RYR2: variants seen among roughly 807,000 people sequenced by gnomAD.
RYR2 encodes the protein ryanodine receptor 2.
Under a neutral mutation model 601.1 loss-of-function variants are expected in RYR2, and 227 were observed. The ratio of observed to expected loss-of-function variants is 0.38; its 90% CI spans 0.34 to 0.42. RYR2 has a LOEUF of 0.42. RYR2 is among the 10% of genes least tolerant of loss of function. The pLI is 1.00. For missense variants in RYR2, 4,646 were observed against 6,156.5 expected (o/e 0.75, Z 8.21); for synonymous variants, 2,223 against 2,175.1 (o/e 1.02, Z -0.61).
intron 80 of RYR2, among the ~76,000 whole-genome samples, chr1:237,749,788 G>A (rs1223177077): frequency 6.6e-6 from 1 of 152,064 alleles, no homozygotes; most frequent in Non-Finnish European, 1.5e-5. Context: ...ATTTGTGGAG[G>A]ATTGAAAAAG....
At chr1:237,266,477 A>G (rs1178685605) in intron 1 of RYR2, among the ~76,000 whole-genome samples, 1 of 152,166 alleles carries the variant, frequency 6.6e-6, no homozygotes, top group East Asian at 1.9e-4. Flanking sequence ...TATTTATCAA[A>G]ACCTCTCAAA....
chr1:237,632,483 C>A (rs1054303954), intron 42 of RYR2, among the ~76,000 whole-genome samples: 1 of 151,706 alleles, frequency 6.6e-6, no homozygotes, highest in Non-Finnish European at 1.5e-5. Context: ...CAACCTCCGC[C>A]TCCCAGGTTC....
chr1:237,792,398 CGTGTGTGT>C (rs71162418), intron 94 of RYR2, 75 bp downstream of exon 94: 105 of 489,842 alleles, frequency 2.1e-4, no homozygotes, highest in South Asian at 1.7e-3. Flanking sequence ...TGTGTGTGTG[CGTGTGTGT>C]GTGTGTGTGT....
At position 237,666,516 on chromosome 1, in the gene RYR2, C is replaced by T; in HGVS notation, c.8441C>T (p.Ser2814Phe). Residue 2814 changes from serine to phenylalanine, a missense_variant, in exon 57 of 105, where the codon TCT becomes TTT. Coordinates refer to ENST00000366574, the MANE Select transcript of RYR2 (RefSeq NM_001035.3). Reference sequence around the variant, plus strand: ...TTTTTCACACAAATGATCTAGGTTTCTGTGGACGCTGCCCATGGTTACAGT... The same window carrying T: ...TTTTTCACACAAATGATCTAGGTTTTTGTGGACGCTGCCCATGGTTACAGT... ...TRRISQTSQV[S>F]VDAAHGYSPR... The T allele has an allele frequency of 1.2e-6, 2 of 1,611,274 alleles. No individual in the cohort carries two copies. Among genetic ancestry groups the T allele is most frequent in the Non-Finnish European group, 1.7e-6 (2 of 1,178,734 alleles).
rs745839967 is a variant in RYR2, at chr1:237,590,810, C to T, written c.3978C>T (p.Gly1326=). Reference sequence around the variant, plus strand: ...TGGCTGGAGGGCTCCCTGGGGCTGGCCTTTTTGGGCCCAAGAATGACTTGG... The same window carrying T: ...TGGCTGGAGGGCTCCCTGGGGCTGGTCTTTTTGGGCCCAAGAATGACTTGG... ...KTVAGGLPGA[G]LFGPKNDLED... The change falls in exon 31 of 105, where the codon GGC becomes GGT. Residue 1326 remains glycine (G), a synonymous_variant. Coordinates refer to ENST00000366574, the MANE Select transcript of RYR2 (RefSeq NM_001035.3). 5 of 1,613,658 alleles carry T rather than the reference C, an allele frequency of 3.1e-6. No individual in the cohort carries two copies. Among genetic ancestry groups the T allele is most frequent in the East Asian group, 2.2e-5 (1 of 44,850 alleles).
chr1:237,394,841 T>C (rs1057255182), intron 10 of RYR2, among the ~76,000 whole-genome samples: 2 of 151,936 alleles, frequency 1.3e-5, no homozygotes, highest in Non-Finnish European at 2.9e-5. Context: ...AAGACAAGAG[T>C]CTTAACTGGC....
chr1:237,237,945 C>CCCTTT (rs60312547), intron 1 of RYR2, among the ~76,000 whole-genome samples: 1,230 of 35,522 alleles, frequency 0.035, 114 homozygotes, highest in East Asian at 0.29. Context: ...CTTTCCTTTC[C>CCCTTT]CCTTTCCTTT....
chr1:237,714,985 C>A (rs1689138606), intron 71 of RYR2, among the ~76,000 whole-genome samples: 1 of 73,410 alleles, frequency 1.4e-5, no homozygotes, highest in African/African-American at 4.4e-5. Flanking sequence ...GAGCGAGACT[C>A]CATCTCAAAA....
chr1:237,057,465 G>T (rs530304707), intron 1 of RYR2, among the ~76,000 whole-genome samples: 1 of 152,126 alleles, frequency 6.6e-6, no homozygotes, highest in African/African-American at 2.4e-5. Context: ...GATTATAGGC[G>T]TGAGCCACCG....
chr1:237,408,066 A>G (rs961830655), intron 10 of RYR2, among the ~76,000 whole-genome samples: 1 of 152,020 alleles, frequency 6.6e-6, no homozygotes, highest in African/African-American at 2.4e-5. Flanking sequence ...TTTAATTTTA[A>G]TGAAGCCCAA....
chr1:237,446,781 C>T (rs1019365529), intron 14 of RYR2, among the ~76,000 whole-genome samples: 6 of 152,090 alleles, frequency 3.9e-5, no homozygotes, highest in Non-Finnish European at 8.8e-5. Context: ...AAGCTTAAAT[C>T]GAATGGGGTA....
At chr1:237,269,235 G>T (rs1375987331) in intron 1 of RYR2, among the ~76,000 whole-genome samples, 1 of 151,636 alleles carries the variant, frequency 6.6e-6, no homozygotes, top group Non-Finnish European at 1.5e-5. Context: ...TAGAGACAGG[G>T]TTTCTGCATG....
In RYR2 at chr1:237,445,470, C is replaced by T. The variant is rs764698152; in HGVS notation, c.1240C>T (p.Arg414Cys). 16 of 1,613,726 alleles carry T rather than the reference C, an allele frequency of 9.9e-6. No homozygotes were observed. Among genetic ancestry groups the T allele is most frequent in the Middle Eastern group, 1.7e-4 (1 of 6,060 alleles). The change falls in exon 14 of 105, where the codon CGC (arginine) becomes TGC (cysteine). Residue 414 changes from arginine to cysteine, a missense_variant. By Grantham distance (180) the Arg-to-Cys change is radical. Around this residue, in one of 17 missense-constraint regions of RYR2, gnomAD observed 1,807 missense variants for 2,088.1 expected, o/e 0.87. Coordinates refer to ENST00000366574, the MANE Select transcript of RYR2 (RefSeq NM_001035.3). The part of the protein sequence containing the change: ...SLSRSQHEES[R>C]TARVIRSTVF... The stretch of plus-strand genomic sequence containing the variant: ...GTCGAGATCCCAGCATGAAGAATCA[C>T]GCACAGCCCGAGTTATCCGGAGCAC...
chr1:237,814,738 C>T (rs372078691), intron 100 of RYR2, among the ~76,000 whole-genome samples: 4 of 151,972 alleles, frequency 2.6e-5, no homozygotes, highest in Admixed American at 6.6e-5. Flanking sequence ...ACATATAGGA[C>T]GATGTTCATC....
At chr1:237,783,629 G>T (rs763460232) in intron 89 of RYR2, 46 bp from the exon 90 acceptor site, 6 of 1,213,248 alleles carry the variant, frequency 4.9e-6, no homozygotes, top group South Asian at 1.5e-5. Context: ...TATGATCACT[G>T]ATTTTGTTAG....
intron 24 of RYR2, among the ~76,000 whole-genome samples, chr1:237,527,293 C>A (rs1667691983): frequency 6.6e-6 from 1 of 152,090 alleles, no homozygotes; most frequent in African/African-American, 2.4e-5. Flanking sequence ...TTTTTGATTC[C>A]ATGTGAACTC....
At position 237,590,675 on chromosome 1, in the gene RYR2, A is replaced by T. The variant is rs1176224862; in HGVS notation, c.3843A>T (p.Pro1281=). Residue 1281 remains proline (P), a synonymous_variant, in exon 31 of 105, where the codon CCA becomes CCT. Transcript: ENST00000366574. ...TRIDGTIDSS[P]CLKVTQKSFG... ...TAGACGGCACCATAGACAGTTCCCC[A>T]TGTTTAAAGGTCACTCAGAAGTCTT... 3 of 1,566,630 alleles carry T rather than the reference A, an allele frequency of 1.9e-6. No homozygotes were observed. The highest frequency in any genetic ancestry group is 2.6e-6 in the Non-Finnish European group (3 of 1,155,180).
chr1:237,604,034 A>C (rs1332639761), intron 35 of RYR2, among the ~76,000 whole-genome samples: 2 of 152,210 alleles, frequency 1.3e-5, no homozygotes, highest in Non-Finnish European at 2.9e-5. Context: ...GTTAACAAGG[A>C]TATCTAGGAA....
intron 1 of RYR2, among the ~76,000 whole-genome samples, chr1:237,239,259 CA>C (rs1345649888): frequency 1.3e-5 from 2 of 152,068 alleles, no homozygotes; most frequent in African/African-American, 2.4e-5. Context: ...CACACCAAGG[CA>C]ATCAAAGACA....
Sources: gnomAD v4.1 joint callset for allele counts (sites outside exome capture counted in the v4.1 genomes callset) on GRCh38, gnomAD v4.1.1 for gene constraint, gnomAD v4.1.1 regional missense constraint, MANE v1.5 for transcripts, NCBI Gene and HGNC (gene_info 2026-07-23, HGNC 2026-07-21) for gene names.